LTN1: variants seen among roughly 807,000 people sequenced by gnomAD.
LTN1 encodes the protein listerin E3 ubiquitin protein ligase 1, also known as E3 ubiquitin-protein ligase listerin.
In LTN1, 88 loss-of-function variants were observed where a neutral mutation model predicts 201.2. The ratio of observed to expected loss-of-function variants is 0.44; its 90% CI spans 0.37 to 0.52. The LOEUF (loss-of-function observed/expected upper bound fraction) is 0.52, where lower values mean the gene tolerates loss of function less well. Among genes scored for constraint, LTN1 ranks in the 20% least tolerant of loss-of-function variants. The probability of loss-of-function intolerance (pLI) is 0.00; values close to 1 mark genes in which losing one functional copy is unlikely to be tolerated. For synonymous variants in LTN1, 645 were observed against 713.5 expected (o/e 0.90, Z 1.53); for missense variants, 1,752 against 2,038.7 (o/e 0.86, Z 2.71).
In LTN1 at chr21:28,971,131, CTA is replaced by C. The variant is rs1294119748; in HGVS notation, c.984+138_984+139del. 5 of 636,198 alleles carry C rather than the reference CTA, an allele frequency of 7.9e-6. No homozygotes were observed. The East Asian group carries it at 1.2e-4, about 15-fold the overall frequency. 39.4% of individuals were successfully genotyped at this position (636,198 alleles called of 1,614,324 possible). On this transcript the variant is annotated intron_variant, in intron 7 of 29. Coordinates refer to ENST00000361371, the MANE Select transcript of LTN1 (RefSeq NM_015565.3). ...GGCAAAACAAAATAAAATAAAAACT[CTA>C]TGCCATTTTAGTCACTTTAAGATTT...
intron 22 of LTN1, among the ~76,000 whole-genome samples, 194 bp downstream of exon 22, chr21:28,944,189 T>C (rs1401568265): frequency 6.6e-6 from 1 of 152,230 alleles, no homozygotes; most frequent in Non-Finnish European, 1.5e-5. Context: ...AGTCATTGGA[T>C]ACCTTGCCAT....
In LTN1 at chr21:28,966,512, T is replaced by G; in HGVS notation, c.1979A>C (p.Gln660Pro). The change falls in exon 10 of 30, where the codon CAG (glutamine) becomes CCG (proline). Residue 660 changes from glutamine to proline, a missense_variant. Around this residue, in one of 3 missense-constraint regions of LTN1, gnomAD observed 1,211 missense variants for 1,312.8 expected, o/e 0.92. Coordinates refer to ENST00000361371, the MANE Select transcript of LTN1 (RefSeq NM_015565.3). The stretch of plus-strand genomic sequence containing the variant: ...ACCTATCAGTTTCTGGTATAAAAAC[T>G]GCACCGCAGGATTTTTTTGTACAAG... ...AKLVQKNPAV[Q>P]FLYQKLIGWL... The G allele has an allele frequency of 6.2e-7, 1 of 1,614,138 alleles. No homozygotes were observed.
chr21:28,946,254 C>A lies in LTN1; in HGVS notation c.3521G>T (p.Cys1174Phe). ...GFGHLAIFNS[C>F]LQTKSIDDGE... ...ATCATCTATACTTTTGGTTTGCAGA[C>A]AAGAATTGAAAATGGCAAGATGTCC... is the stretch of plus-strand genomic sequence containing the variant. Residue 1174 changes from cysteine to phenylalanine, a missense_variant, in exon 20 of 30, where the codon TGT becomes TTT. Around this residue, in one of 3 missense-constraint regions of LTN1, gnomAD observed 1,211 missense variants for 1,312.8 expected, o/e 0.92. Coordinates refer to ENST00000361371, the MANE Select transcript of LTN1 (RefSeq NM_015565.3). The A allele has an allele frequency of 6.3e-7, 1 of 1,579,008 alleles. No individual in the cohort carries two copies. The highest frequency in any genetic ancestry group is 1.2e-5 in the South Asian group (1 of 83,516).
chr21:28,963,102 G>C (rs566813229), intron 11 of LTN1, among the ~76,000 whole-genome samples: 2 of 152,334 alleles, frequency 1.3e-5, no homozygotes, highest in African/African-American at 4.8e-5. Flanking sequence ...AGGTGAAGCA[G>C]CAAGTGCTGA....
Position 28,936,735 on chromosome 21 carries a change from C to T in LTN1, c.4483-38G>A, listed in dbSNP as rs779519077. On this transcript the variant is annotated intron_variant, in intron 25 of 29. Transcript: ENST00000361371. Reference sequence around the variant, plus strand: ...AAAGAATTTGTTAGTAAACCAAATACACCAAGACAATTGGTATAAAAGAAC... The same window carrying T: ...AAAGAATTTGTTAGTAAACCAAATATACCAAGACAATTGGTATAAAAGAAC... 9 of 1,504,860 alleles carry T rather than the reference C, an allele frequency of 6.0e-6. No individual in the cohort carries two copies. The South Asian group carries it at 8.4e-5, about 14-fold the overall frequency. 93.2% of individuals were successfully genotyped at this position (1,504,860 alleles called of 1,614,324 possible). A position where few individuals can be genotyped will look rare whatever the true frequency, so the allele number is the denominator to read the frequency against.
At chr21:28,951,773 A>G (rs993006216) in intron 18 of LTN1, among the ~76,000 whole-genome samples, 5 of 152,100 alleles carry the variant, frequency 3.3e-5, no homozygotes, top group Non-Finnish European at 4.4e-5. Flanking sequence ...GGAATTCAAG[A>G]CCAGCCTGGG....
At position 28,970,650 on chromosome 21, in the gene LTN1, T is replaced by G. The variant is rs373458923; in HGVS notation, c.1077A>C (p.Ile359=). Residue 359 remains isoleucine, a synonymous_variant, in exon 8 of 30, where the codon ATA becomes ATC. Coordinates refer to ENST00000361371, the MANE Select transcript of LTN1 (RefSeq NM_015565.3). ...REGGRGLATV[I]YPYLLPFISK... ...TGATGAATGGCAGAAGGTAAGGATATATGACAGTAGCTAGACCCCGACCAC... is the reference window on the plus strand; with the variant it reads ...TGATGAATGGCAGAAGGTAAGGATAGATGACAGTAGCTAGACCCCGACCAC... 6.2e-7 allele frequency: 1 copy of G among 1,613,880 alleles called. No homozygotes were observed. The highest frequency in any genetic ancestry group is 8.5e-7 in the Non-Finnish European group (1 of 1,179,786).
chr21:28,987,724 A>C (rs1259250681), intron 1 of LTN1, among the ~76,000 whole-genome samples: 1 of 152,228 alleles, frequency 6.6e-6, no homozygotes, highest in Non-Finnish European at 1.5e-5. Flanking sequence ...AAATTAACTT[A>C]TTGTTATCTA....
In LTN1 at chr21:28,930,438, GA is replaced by G; in HGVS notation, c.*9del. 1 of 1,606,458 alleles carries G rather than the reference GA, an allele frequency of 6.2e-7. No individual in the cohort carries two copies. Among genetic ancestry groups the G allele is most frequent in the Non-Finnish European group, 8.5e-7 (1 of 1,173,890 alleles). ...ATGTACTTCAGGGATCCCTTCCAGT[GA>G]AAAAAATCTCAGAAAAACGTCTCAC... On this transcript the variant is annotated 3_prime_UTR_variant, in exon 30 of 30. Transcript: ENST00000361371.
rs367765472 is a variant in LTN1 at position 28,957,430 on chromosome 21, G to A, written c.2794C>T (p.Leu932=). 4.1e-5 allele frequency: 66 copies of A among 1,597,374 alleles called. No individual in the cohort carries two copies. Among genetic ancestry groups the A allele is most frequent in the Middle Eastern group, 1.7e-4 (1 of 6,006 alleles). The change falls in exon 15 of 30, where the codon CTA becomes TTA. Residue 932 remains leucine (L), a synonymous_variant. Coordinates refer to ENST00000361371, the MANE Select transcript of LTN1 (RefSeq NM_015565.3). The stretch of plus-strand genomic sequence containing the variant: ...ATAAGATAAGAATCTTCACTCTCTA[G>A]AAGTGTATTTAGCAAATCATCAACA... ...SAVDDLLNTL[L]ESEDSYLMGV...
Position 28,928,695 on chromosome 21 carries a change from C to T in LTN1, c.*1753G>A, listed in dbSNP as rs1237401389. ...ATGAAGAACAGTTATTTAATTATAA[C>T]TACTTAATTATAGTGTTTCACCAAG... On this transcript the variant is annotated 3_prime_UTR_variant, in exon 30 of 30. Coordinates refer to ENST00000361371, the MANE Select transcript of LTN1 (RefSeq NM_015565.3). 1 of 152,036 alleles carries T rather than the reference C, an allele frequency of 6.6e-6. No homozygotes were observed. Among genetic ancestry groups the T allele is most frequent in the Non-Finnish European group, 1.5e-5 (1 of 67,982 alleles). 9.4% of individuals were successfully genotyped at this position (152,036 alleles called of 1,614,324 possible).
At chr21:28,968,543 T>C (rs2084545114) in intron 9 of LTN1, among the ~76,000 whole-genome samples, 1 of 152,212 alleles carries the variant, frequency 6.6e-6, no homozygotes, top group Non-Finnish European at 1.5e-5. Context: ...AGATGATTGC[T>C]TCATGATTTA....
chr21:28,944,361 T>C (rs756581952), intron 22 of LTN1, 22 bp downstream of exon 22: 3 of 1,566,804 alleles, frequency 1.9e-6, no homozygotes, highest in East Asian at 4.5e-5. Flanking sequence ...TCAATCTCAC[T>C]ATTATTCCCT....
chr21:28,957,976 G>C (rs2084440337), intron 14 of LTN1, among the ~76,000 whole-genome samples: 1 of 152,136 alleles, frequency 6.6e-6, no homozygotes, highest in African/African-American at 2.4e-5. Context: ...TATGACAAAG[G>C]ATAGTATCAC....
chr21:28,980,396 G>A (rs2084649079), intron 6 of LTN1, among the ~76,000 whole-genome samples: 2 of 109,830 alleles, frequency 1.8e-5, no homozygotes, highest in African/African-American at 7.0e-5. Context: ...GTTATGGTGG[G>A]GTGGGGGGAG....
At chr21:28,980,425 G>A (rs2084649467) in intron 6 of LTN1, among the ~76,000 whole-genome samples, 1 of 148,644 alleles carries the variant, frequency 6.7e-6, no homozygotes, top group African/African-American at 2.5e-5. Context: ...GATAGCATTA[G>A]GAGATATACC....
chr21:28,936,824 G>A (rs528775188), intron 25 of LTN1, 127 bp from the exon 26 acceptor site: 3 of 670,696 alleles, frequency 4.5e-6, no homozygotes, highest in East Asian at 2.5e-5. Context: ...CCTCATTATT[G>A]TAACACATTT....
chr21:28,967,036 G>A lies in LTN1; in HGVS notation c.1455C>T (p.Asn485=), dbSNP rs146908033. 22 of 1,613,954 alleles carry A rather than the reference G, an allele frequency of 1.4e-5. No individual in the cohort carries two copies. Among genetic ancestry groups the A allele is most frequent in the African/African-American group, 4.0e-5 (3 of 74,886 alleles). The change falls in exon 10 of 30, where the codon AAC becomes AAT. Residue 485 remains asparagine (N), a synonymous_variant. Transcript: ENST00000361371. ...GTCTTTCCCAGAAATGTATCAGTAC[G>A]TTCTCCAAGTTGTGAGCTGTTTTTT... ...KDEKTAHNLE[N]VLIHFWERLS... is the part of the protein sequence containing the mutation.
chr21:28,960,762 C>G (rs1300949511), intron 11 of LTN1, 56 bp from the exon 12 acceptor site: 1 of 1,194,916 alleles, frequency 8.4e-7, no homozygotes, highest in Non-Finnish European at 1.2e-6. Flanking sequence ...CTCTCTCTGT[C>G]CAAAATATTA....
Sources: gnomAD v4.1 joint callset for allele counts (sites outside exome capture counted in the v4.1 genomes callset) on GRCh38, gnomAD v4.1.1 for gene constraint, gnomAD v4.1.1 regional missense constraint, MANE v1.5 for transcripts, NCBI Gene and HGNC (gene_info 2026-07-23, HGNC 2026-07-21) for gene names.